The following DAG1 variants were observed in gnomAD, a reference collection of about 807,000 sequenced individuals.
DAG1 encodes dystroglycan 1, also known as dystroglycan 1 (dystrophin-associated glycoprotein 1).
In DAG1, 8 loss-of-function variants were observed where a neutral mutation model predicts 46.1. The ratio of observed to expected loss-of-function variants is 0.17; its 90% CI spans 0.10 to 0.31. The LOEUF (loss-of-function observed/expected upper bound fraction) is 0.31. Ranked by LOEUF, DAG1 falls within the 10% of genes least tolerant of loss-of-function variation. The pLI is 1.00. For missense variants in DAG1, 1,003 were observed against 1,189.9 expected, an observed-to-expected ratio of 0.84 and a Z score of 2.31; for synonymous variants, 495 against 481.8, an observed-to-expected ratio of 1.03 and a Z score of -0.36.
intron 1 of DAG1, among the ~76,000 whole-genome samples, chr3:49,500,849 A>G (rs1450248178): frequency 6.6e-6 from 1 of 152,146 alleles, no homozygotes; most frequent in Admixed American, 6.5e-5. Flanking sequence ...TGGTCTCTGA[A>G]CCACGAGGAG....
intron 2 of DAG1, among the ~76,000 whole-genome samples, chr3:49,512,099 A>T (rs948100878): frequency 2.6e-5 from 4 of 151,696 alleles, no homozygotes; most frequent in Non-Finnish European, 4.4e-5. Flanking sequence ...TGGTACAGCC[A>T]TGGCTCTCTG....
intron 2 of DAG1, among the ~76,000 whole-genome samples, chr3:49,513,293 T>A (rs1434034783): frequency 6.6e-6 from 1 of 152,114 alleles, no homozygotes; most frequent in Non-Finnish European, 1.5e-5. Context: ...CATGGGCTGC[T>A]TAGGTGTCCT....
At chr3:49,481,077 A>G (rs1458590083) in intron 1 of DAG1, among the ~76,000 whole-genome samples, 1 of 149,034 alleles carries the variant, frequency 6.7e-6, no homozygotes, top group Non-Finnish European at 1.5e-5. Flanking sequence ...AAGTTTTTTA[A>G]AAGTTTTTTG....
intron 1 of DAG1, among the ~76,000 whole-genome samples, chr3:49,503,721 C>T (rs754542880): frequency 1.4e-4 from 21 of 151,402 alleles, no homozygotes; most frequent in Non-Finnish European, 2.6e-4. Context: ...CCAGCTATTT[C>T]GGAAGCTGAG....
intron 1 of DAG1, among the ~76,000 whole-genome samples, chr3:49,473,715 T>C (rs1478157365): frequency 6.6e-6 from 1 of 151,794 alleles, no homozygotes; most frequent in Non-Finnish European, 1.5e-5. Flanking sequence ...CCCGAGTAGC[T>C]GGGATCACAG....
At chr3:49,524,525 T>C (rs1255881167) in intron 2 of DAG1, among the ~76,000 whole-genome samples, 3 of 151,612 alleles carry the variant, frequency 2.0e-5, no homozygotes, top group African/African-American at 7.3e-5. Context: ...AAAGTAAATA[T>C]TGGCCAGGCC....
chr3:49,489,816 G>T (rs1381860400), intron 1 of DAG1, among the ~76,000 whole-genome samples: 1 of 152,084 alleles, frequency 6.6e-6, no homozygotes, highest in South Asian at 2.1e-4. Context: ...GGGACCTGGT[G>T]GGGTATGTGT....
chr3:49,504,986 T>TTA (rs2050565238), intron 1 of DAG1, among the ~76,000 whole-genome samples: 10 of 149,618 alleles, frequency 6.7e-5, no homozygotes, highest in Middle Eastern at 3.4e-3. Flanking sequence ...TTTTTTTTTT[T>TTA]AATTTTAAAA....
intron 2 of DAG1, among the ~76,000 whole-genome samples, chr3:49,512,397 A>G (rs946694047): frequency 6.6e-6 from 1 of 151,106 alleles, no homozygotes; most frequent in Non-Finnish European, 1.5e-5. Context: ...ATTTTAATTA[A>G]TTAATTAATT....
intron 1 of DAG1, among the ~76,000 whole-genome samples, chr3:49,507,366 C>CA (rs569842954): frequency 1.4e-3 from 210 of 152,128 alleles, no homozygotes; most frequent in Admixed American, 3.5e-3. Context: ...AGTTCAAGAC[C>CA]AGCCTGGTCA....
chr3:49,501,502 G>A lies in DAG1; in HGVS notation c.-116-8917G>A, dbSNP rs567765464. Among the ~76,000 whole-genome samples the A allele has an allele frequency of 2.0e-5, 3 of 152,190 alleles. No homozygotes were observed. The East Asian group carries it at 5.8e-4, about 29-fold the overall frequency. ...CTTGTGGGGGTGTTGGTTGAGCTGAGCCATTTACTAAATTAGAATTAAAAT... is the reference window on the plus strand; with the variant it reads ...CTTGTGGGGGTGTTGGTTGAGCTGAACCATTTACTAAATTAGAATTAAAAT... On this transcript the variant is annotated intron_variant, in intron 1 of 2. Coordinates refer to ENST00000308775, the MANE Select transcript of DAG1 (RefSeq NM_004393.6).
intron 1 of DAG1, among the ~76,000 whole-genome samples, chr3:49,502,222 C>G (rs1030337101): frequency 2.0e-5 from 3 of 152,240 alleles, no homozygotes; most frequent in Non-Finnish European, 4.4e-5. Context: ...TTATAGAGAT[C>G]TGAGGAGAAG....
chr3:49,475,828 C>A, intron 1 of DAG1, among the ~76,000 whole-genome samples: 1 of 151,836 alleles, frequency 6.6e-6, no homozygotes, highest in East Asian at 1.9e-4. Flanking sequence ...CTCGGCCTCC[C>A]GAGTAGCTGG....
intron 2 of DAG1, among the ~76,000 whole-genome samples, chr3:49,526,421 G>T (rs927891807): frequency 6.6e-6 from 1 of 152,212 alleles, no homozygotes; most frequent in African/African-American, 2.4e-5. Flanking sequence ...AATAGTAAAA[G>T]AATTTGGTCA....
chr3:49,491,418 C>G (rs2050179690), intron 1 of DAG1, among the ~76,000 whole-genome samples: 1 of 150,712 alleles, frequency 6.6e-6, no homozygotes, highest in Admixed American at 6.6e-5. Flanking sequence ...TCAAGCAGTT[C>G]TCCTGCCTCA....
intron 1 of DAG1, among the ~76,000 whole-genome samples, chr3:49,475,701 CTTTT>C (rs398038718): frequency 7.3e-6 from 1 of 136,242 alleles, no homozygotes. Flanking sequence ...TTTTCTTTTT[CTTTT>C]TTTTTTTTTT....
rs183672851 is a variant in DAG1, at chr3:49,534,827, G to C, written c.*1628G>C. The C allele has an allele frequency of 3.0e-3, 464 of 152,836 alleles. 1 individual carries two copies. The highest frequency in any genetic ancestry group is 3.7e-3 in the Non-Finnish European group (251 of 68,154). 9.5% of individuals were successfully genotyped at this position (152,836 alleles called of 1,614,324 possible). ...TACTTTTTAGGGAGGAATGCCTTTC[G>C]CAATAATGTATCCATTCCCTGATTG... On this transcript the variant is annotated 3_prime_UTR_variant, in exon 3 of 3. Coordinates refer to ENST00000308775, the MANE Select transcript of DAG1 (RefSeq NM_004393.6).
intron 1 of DAG1, among the ~76,000 whole-genome samples, chr3:49,476,406 A>G (rs1457865884): frequency 1.3e-5 from 2 of 152,030 alleles, no homozygotes; most frequent in African/African-American, 2.4e-5. Flanking sequence ...CCCGTCCAAC[A>G]TGGTGAAACC....
intron 1 of DAG1, among the ~76,000 whole-genome samples, chr3:49,476,002 A>G (rs1239320282): frequency 6.6e-6 from 1 of 151,968 alleles, no homozygotes; most frequent in Non-Finnish European, 1.5e-5. Flanking sequence ...GGCATGAGCC[A>G]CTGCACCCGG....
Sources: allele counts gnomAD v4.1 joint callset (sites outside exome capture counted in the v4.1 genomes callset), GRCh38; gene constraint gnomAD v4.1.1; transcripts MANE v1.5; gene names NCBI Gene and HGNC (gene_info 2026-07-23, HGNC 2026-07-21).